The following TRAK2 variants were observed in gnomAD, a reference collection of about 807,000 sequenced individuals.
TRAK2 encodes the protein trafficking kinesin protein 2, also known as trafficking kinesin-binding protein 2.
In TRAK2, 81 loss-of-function variants were observed where a neutral mutation model predicts 104.6. The observed-to-expected ratio is 0.77, with a 90% confidence interval of 0.65 to 0.93. The LOEUF (loss-of-function observed/expected upper bound fraction) is 0.93, where lower values mean the gene tolerates loss of function less well. Among genes scored for constraint, TRAK2 ranks in the 40% least tolerant of loss-of-function variants. The probability of loss-of-function intolerance (pLI) is 0.00; values close to 1 mark genes in which losing one functional copy is unlikely to be tolerated. For synonymous variants in TRAK2, 406 were observed against 394.4 expected (o/e 1.03, Z -0.35); for missense variants, 1,002 against 1,089.0 (o/e 0.92, Z 1.12).
rs150677367 is a variant in TRAK2 at position 201,418,670 on chromosome 2, C to G, written c.91+1747G>C. Among the ~76,000 whole-genome samples the G allele has an allele frequency of 3.2e-3, 487 of 152,080 alleles. 2 individuals carry two copies. The highest frequency in any genetic ancestry group is 5.7e-3 in the Non-Finnish European group (390 of 68,002). On this transcript the variant is annotated intron_variant, in intron 2 of 15. Transcript: ENST00000332624. ...AGGTATTTCAATAAGGGTAAAGAGACCATTTTTAACAAATGGTAAAGAAAC... is the reference window on the plus strand; with the variant it reads ...AGGTATTTCAATAAGGGTAAAGAGAGCATTTTTAACAAATGGTAAAGAAAC...
At position 201,379,314 on chromosome 2, in the gene TRAK2, A is replaced by AC. The variant is rs1282737940; in HGVS notation, c.*1228_*1229insG. ...ATTTCATACAGTTTGAATAAAAAAA[A>AC]AGAACCTTAGAGAAAAAGAAAAAGC... is the stretch of plus-strand genomic sequence containing the variant. On this transcript the variant is annotated 3_prime_UTR_variant, in exon 16 of 16. Coordinates refer to ENST00000332624, the MANE Select transcript of TRAK2 (RefSeq NM_015049.3). 1.2e-4 allele frequency: 18 copies of AC among 152,358 alleles called. No homozygotes were observed. The highest frequency in any genetic ancestry group is 3.6e-4 in the African/African-American group (15 of 41,584). 9.4% of individuals were successfully genotyped at this position (152,358 alleles called of 1,614,324 possible). A position where few individuals can be genotyped will look rare whatever the true frequency, so the allele number is the denominator to read the frequency against.
intron 1 of TRAK2, chr2:201,433,520 T>G (rs1002801144): frequency 1.3e-5 from 2 of 152,156 alleles, no homozygotes; most frequent in African/African-American, 4.8e-5. Flanking sequence ...TCCAAAACCG[T>G]GTGTGAGATT....
rs41271463 is a variant in TRAK2 at position 201,389,798 on chromosome 2, T to C, written c.1193+3A>G. The C allele has an allele frequency of 0.012, 19,020 of 1,609,162 alleles. 158 individuals carry two copies. Among genetic ancestry groups the C allele is most frequent in the Non-Finnish European group, 0.015 (17,474 of 1,177,016 alleles). The stretch of plus-strand genomic sequence containing the variant: ...AGTAACAACACATGTGACCTGTACT[T>C]ACTTTTGTTTAAAGAGAGAAGATTC... On this transcript the variant is annotated splice_donor_region_variant and intron_variant, in intron 11 of 15. Coordinates refer to ENST00000332624, the MANE Select transcript of TRAK2 (RefSeq NM_015049.3).
intron 1 of TRAK2, among the ~76,000 whole-genome samples, chr2:201,424,891 G>A (rs998930750): frequency 6.6e-6 from 1 of 152,074 alleles, no homozygotes; most frequent in African/African-American, 2.4e-5. Flanking sequence ...ACAGGCGTGA[G>A]CCACTGCGCC....
chr2:201,404,504 G>A (rs538408184), intron 3 of TRAK2, among the ~76,000 whole-genome samples: 2 of 152,308 alleles, frequency 1.3e-5, no homozygotes, highest in South Asian at 4.1e-4. Flanking sequence ...CAGGGTGGGA[G>A]TTTAACATAC....
Position 201,380,450 on chromosome 2 carries a change from C to G in TRAK2, c.*93G>C. ...ACATTCACAACCCTTGTGCAACATT[C>G]CTTTTCTCTCAAGTCAGACCAGACC... On this transcript the variant is annotated 3_prime_UTR_variant, in exon 16 of 16. Transcript: ENST00000332624. 1 of 1,274,376 alleles carries G rather than the reference C, an allele frequency of 7.8e-7. No homozygotes were observed. The highest frequency in any genetic ancestry group is 1.1e-6 in the Non-Finnish European group (1 of 920,330). 78.9% of individuals were successfully genotyped at this position (1,274,376 alleles called of 1,614,324 possible).
At chr2:201,402,968 G>C (rs1163204340) in intron 3 of TRAK2, among the ~76,000 whole-genome samples, 1 of 152,008 alleles carries the variant, frequency 6.6e-6, no homozygotes, top group Non-Finnish European at 1.5e-5. Flanking sequence ...TATAGGCTCA[G>C]TTAAAATCAG....
chr2:201,423,725 T>C (rs1409886109), intron 1 of TRAK2: 1 of 152,142 alleles, frequency 6.6e-6, no homozygotes, highest in Non-Finnish European at 1.5e-5. Context: ...AAATTTTACA[T>C]GTCTTTTACT....
Position 201,386,397 on chromosome 2 carries a change from C to T in TRAK2, c.1784G>A (p.Gly595Asp). Residue 595 changes from glycine (G) to aspartate (D), a missense_variant, in exon 14 of 16, where the codon GGC becomes GAC. By Grantham distance (94) the Gly-to-Asp change is moderately conservative. Transcript: ENST00000332624. The stretch of plus-strand genomic sequence containing the variant: ...AGCATCCCCGGGCAACTGGGTAAAG[C>T]CTTTAGTAATGACACCTGGTCGTGG... ...LDPRPGVITK[G>D]FTQLPGDAIY... 6.2e-7 allele frequency: 1 copy of T among 1,614,126 alleles called. No individual in the cohort carries two copies. Among genetic ancestry groups the T allele is most frequent in the Non-Finnish European group, 8.5e-7 (1 of 1,180,008 alleles).
intron 10 of TRAK2, among the ~76,000 whole-genome samples, 189 bp from the exon 11 acceptor site, chr2:201,390,069 A>G (rs1409126647): frequency 1.3e-5 from 2 of 152,224 alleles, no homozygotes; most frequent in Admixed American, 6.5e-5. Context: ...AATCTTTTCA[A>G]ATAGGAAAGT....
chr2:201,389,996 A>G (rs1257182589), intron 10 of TRAK2, 116 bp from the exon 11 acceptor site: 2 of 687,074 alleles, frequency 2.9e-6, no homozygotes, highest in South Asian at 2.4e-5. Context: ...CAAGGCTAAC[A>G]TTCAGGGGAA....
intron 3 of TRAK2, among the ~76,000 whole-genome samples, chr2:201,402,957 C>CTA (rs958446631): frequency 6.6e-6 from 1 of 152,094 alleles, no homozygotes; most frequent in African/African-American, 2.4e-5. Flanking sequence ...ATCAGGCATC[C>CTA]TATAGGCTCA....
intron 9 of TRAK2, 150 bp from the exon 10 acceptor site, chr2:201,393,196 T>C (rs1951463982): frequency 5.0e-6 from 4 of 804,076 alleles, no homozygotes; most frequent in Non-Finnish European, 7.4e-6. Flanking sequence ...TAAAACAAAC[T>C]AAGCAAGAAG....
In TRAK2 at chr2:201,377,288, A is replaced by C. The variant is rs1227273586; in HGVS notation, c.*3255T>G. 1 of 152,238 alleles carries C rather than the reference A, an allele frequency of 6.6e-6. No individual in the cohort carries two copies. The highest frequency in any genetic ancestry group is 6.5e-5 in the Admixed American group (1 of 15,288). 9.4% of individuals were successfully genotyped at this position (152,238 alleles called of 1,614,324 possible). ...AGGGGCACAAAGAGCTGTTTGACAA[A>C]GTCAAATCCCAGGTATCGAACAATA... is the stretch of plus-strand genomic sequence containing the variant. On this transcript the variant is annotated 3_prime_UTR_variant, in exon 16 of 16. Coordinates refer to ENST00000332624, the MANE Select transcript of TRAK2 (RefSeq NM_015049.3).
At chr2:201,412,705 G>C in intron 2 of TRAK2, 1 of 1,440,802 alleles carries the variant, frequency 6.9e-7, no homozygotes, top group South Asian at 1.2e-5. Flanking sequence ...AGGATTGGTT[G>C]ATGATACACA....
At chr2:201,401,260 A>C (rs1055594316) in intron 3 of TRAK2, among the ~76,000 whole-genome samples, 166 bp from the exon 4 acceptor site, 2 of 152,084 alleles carry the variant, frequency 1.3e-5, no homozygotes, top group African/African-American at 4.8e-5. Flanking sequence ...CATGTATTAG[A>C]CACTCAAGAA....
chr2:201,408,591 G>A (rs1951617097), intron 2 of TRAK2, among the ~76,000 whole-genome samples: 1 of 152,096 alleles, frequency 6.6e-6, no homozygotes, highest in Non-Finnish European at 1.5e-5. Context: ...ATTTAGTACG[G>A]TTTAAAAGAG....
At chr2:201,405,477 T>C (rs1157469135) in intron 3 of TRAK2, among the ~76,000 whole-genome samples, 1 of 152,168 alleles carries the variant, frequency 6.6e-6, no homozygotes, top group African/African-American at 2.4e-5. Context: ...GAAGACTCTT[T>C]AAAACACAGG....
At position 201,381,002 on chromosome 2, in the gene TRAK2, G is replaced by T. The variant is rs764951206; in HGVS notation, c.2286C>A (p.Asn762Lys). 3.1e-6 allele frequency: 5 copies of T among 1,614,122 alleles called. No homozygotes were observed. Among genetic ancestry groups the T allele is most frequent in the South Asian group, 2.2e-5 (2 of 91,082 alleles). The change falls in exon 16 of 16, where the codon AAC becomes AAA. Residue 762 changes from asparagine to lysine, a missense_variant. By Grantham distance (94) the Asn-to-Lys change is moderately conservative (BLOSUM62 0). Transcript: ENST00000332624. Reference protein sequence around the residue: ...AKVYHSPISENPLQPLPKSLA... With the variant: ...AKVYHSPISEKPLQPLPKSLA... ...GGGATTTAGGGAGAGGCTGGAGGGG[G>T]TTCTCTGAAATTGGGCTGTGGTACA...
Sources: gnomAD v4.1 joint callset for allele counts (sites outside exome capture counted in the v4.1 genomes callset) on GRCh38, gnomAD v4.1.1 for gene constraint, MANE v1.5 for transcripts, NCBI Gene and HGNC (gene_info 2026-07-23, HGNC 2026-07-21) for gene names.